UPB1: variants seen among roughly 807,000 people sequenced by gnomAD.
UPB1 encodes the protein beta-ureidopropionase.
Under a neutral mutation model 49.1 loss-of-function variants are expected in UPB1, and 40 were observed. The ratio of observed to expected loss-of-function variants is 0.81; its 90% CI spans 0.63 to 1.06. UPB1 has a LOEUF of 1.06. Ranked by LOEUF, UPB1 falls within the 50% of genes least tolerant of loss-of-function variation. UPB1 has a pLI of 0.00. For missense variants in UPB1, 499 were observed against 505.9 expected (o/e 0.99, Z 0.13); for synonymous variants, 207 against 198.2 (o/e 1.04, Z -0.38).
At chr22:24,515,123 T>G in intron 5 of UPB1, 78 bp from the exon 6 acceptor site, 2 of 1,572,564 alleles carry the variant, frequency 1.3e-6, no homozygotes, top group Non-Finnish European at 1.7e-6. Context: ...GGACTATTGG[T>G]GATATTTCAG....
chr22:24,523,543 C>T, intron 8 of UPB1, 76 bp from the exon 9 acceptor site: 1 of 1,605,990 alleles, frequency 6.2e-7, no homozygotes, highest in South Asian at 1.1e-5. Context: ...GGGCCTGCCT[C>T]AAGGTGCCTG....
chr22:24,515,168 A>G (rs1246731960), intron 5 of UPB1, 33 bp from the exon 6 acceptor site: 1 of 1,613,846 alleles, frequency 6.2e-7, no homozygotes, highest in South Asian at 1.1e-5. Context: ...CTTGAAGGTC[A>G]GAGGCATCAG....
At chr22:24,516,598 G>A (rs528034193) in intron 6 of UPB1, 1 of 152,408 alleles carries the variant, frequency 6.6e-6, no homozygotes, top group East Asian at 1.9e-4. Context: ...CAGCAGGACA[G>A]GGGTGTGCCC....
intron 3 of UPB1, among the ~76,000 whole-genome samples, chr22:24,505,933 G>A (rs933281213): frequency 2.0e-5 from 3 of 151,446 alleles, no homozygotes; most frequent in African/African-American, 4.9e-5. Flanking sequence ...GGCTGGTCTC[G>A]AACTCCTGAC....
intron 1 of UPB1, 21 bp from the exon 2 acceptor site, chr22:24,500,084 CCT>C (rs1458464766): frequency 1.2e-6 from 2 of 1,613,976 alleles, no homozygotes; most frequent in Non-Finnish European, 1.7e-6. Flanking sequence ...AATCCCCTTC[CCT>C]CTTTTTTCCT....
At chr22:24,508,330 G>GGGCGAATCACCTGAGGTC (rs2044129643) in intron 3 of UPB1, among the ~76,000 whole-genome samples, 1 of 152,156 alleles carries the variant, frequency 6.6e-6, no homozygotes, top group East Asian at 1.9e-4. Context: ...AGCCTGAGGT[G>GGGCGAATCACCTGAGGTC]GGCGAATCAC....
At chr22:24,520,208 G>A (rs1175323993) in intron 6 of UPB1, 179 bp from the exon 7 acceptor site, 4 of 695,824 alleles carry the variant, frequency 5.7e-6, no homozygotes, top group Non-Finnish European at 1.0e-5. Context: ...GGTTTGGGGT[G>A]TGACCGGTGA....
At chr22:24,495,767 T>C (rs2043860257) in intron 1 of UPB1, among the ~76,000 whole-genome samples, 1 of 152,068 alleles carries the variant, frequency 6.6e-6, no homozygotes, top group Non-Finnish European at 1.5e-5. Flanking sequence ...GATTTTACTC[T>C]CCAGGGCTTT....
intron 6 of UPB1, among the ~76,000 whole-genome samples, chr22:24,518,725 T>C (rs896155842): frequency 6.6e-6 from 1 of 152,214 alleles, no homozygotes; most frequent in Non-Finnish European, 1.5e-5. Flanking sequence ...ATGCTTTTGA[T>C]TAGGTTATCC....
intron 8 of UPB1, among the ~76,000 whole-genome samples, chr22:24,522,936 T>G (rs948570961): frequency 3.0e-5 from 3 of 101,184 alleles, no homozygotes. Flanking sequence ...AGGAGGGAAA[T>G]GCCACCTAAA....
chr22:24,513,599 C>T (rs1050259913), intron 5 of UPB1, 114 bp downstream of exon 5: 78 of 1,415,280 alleles, frequency 5.5e-5, no homozygotes, highest in Non-Finnish European at 6.6e-5. Flanking sequence ...CTCCATGTCA[C>T]GTACACTCCA....
At chr22:24,522,193 A>C (rs1002691198) in intron 8 of UPB1, among the ~76,000 whole-genome samples, 165 bp downstream of exon 8, 2 of 152,032 alleles carry the variant, frequency 1.3e-5, no homozygotes, top group African/African-American at 4.8e-5. Context: ...CAGTGTGGGA[A>C]TCGGGCTGTG....
In UPB1 at chr22:24,525,595, C is replaced by T. The variant is rs2044469791; in HGVS notation, c.1072-116C>T. ...TGCCAAGAGGTCACTGTCAACGAGC[C>T]TTCCTGATGCGTTCCTGCCCCATGA... On this transcript the variant is annotated intron_variant, in intron 9 of 9. Coordinates refer to ENST00000326010, the MANE Select transcript of UPB1 (RefSeq NM_016327.3). 1.5e-5 allele frequency: 18 copies of T among 1,226,672 alleles called. No individual in the cohort carries two copies. The South Asian group carries it at 2.1e-4, about 14-fold the overall frequency. The allele number at this position is 1,226,672 out of a possible 1,614,324, so 76.0% of individuals were successfully genotyped here. A position where few individuals can be genotyped will look rare whatever the true frequency, so the allele number is the denominator to read the frequency against.
At chr22:24,522,087 C>G in intron 8 of UPB1, 59 bp downstream of exon 8, 3 of 1,587,174 alleles carry the variant, frequency 1.9e-6, no homozygotes, top group Non-Finnish European at 2.6e-6. Context: ...CTCCCCTTCT[C>G]TGTCTGCTTC....
intron 4 of UPB1, 68 bp downstream of exon 4, chr22:24,510,911 C>A (rs1478828541): frequency 1.3e-6 from 2 of 1,544,896 alleles, no homozygotes; most frequent in Non-Finnish European, 1.8e-6. Flanking sequence ...ATGACCACAG[C>A]TGCCGGGTTT....
intron 3 of UPB1, among the ~76,000 whole-genome samples, chr22:24,507,346 G>A (rs867259882): frequency 1.3e-5 from 2 of 152,168 alleles, no homozygotes; most frequent in Non-Finnish European, 2.9e-5. Flanking sequence ...GTTGCTGGCA[G>A]TGCCTGCCGC....
chr22:24,511,598 TTA>T lies in UPB1; in HGVS notation c.459+775_459+776del, dbSNP rs764546743. On this transcript the variant is annotated intron_variant, in intron 4 of 9. Coordinates refer to ENST00000326010, the MANE Select transcript of UPB1 (RefSeq NM_016327.3). ...TAAAGTGAATCTTATGCTCTGTGAA[TTA>T]TATATATATATATATATATTTTTTT... Among the ~76,000 whole-genome samples the T allele has an allele frequency of 1.9e-3, 255 of 136,568 alleles. 1 individual carries two copies. Among genetic ancestry groups the T allele is most frequent in the Non-Finnish European group, 2.5e-3 (161 of 65,076 alleles). The allele number at this position is 136,568 out of a possible 152,430, so 89.6% of individuals were successfully genotyped here.
chr22:24,515,401 C>T (rs779082431), intron 6 of UPB1, 31 bp downstream of exon 6: 2 of 1,613,924 alleles, frequency 1.2e-6, no homozygotes, highest in East Asian at 2.2e-5. Flanking sequence ...TGGGGGGCTT[C>T]CTGGGGCCCA....
At chr22:24,524,831 T>C (rs979688585) in intron 9 of UPB1, among the ~76,000 whole-genome samples, 1 of 152,148 alleles carries the variant, frequency 6.6e-6, no homozygotes, top group Non-Finnish European at 1.5e-5. Context: ...CAAATGTCCA[T>C]TGTTATAACT....
Sources: gnomAD v4.1 joint callset for allele counts (sites outside exome capture counted in the v4.1 genomes callset) on GRCh38, gnomAD v4.1.1 for gene constraint, MANE v1.5 for transcripts, NCBI Gene and HGNC (gene_info 2026-07-23, HGNC 2026-07-21) for gene names.